Variants in GPAT4 observed in about 807,000 individuals in gnomAD.
GPAT4 encodes glycerol-3-phosphate acyltransferase 4.
In GPAT4, 17 loss-of-function variants were observed where a neutral mutation model predicts 58.0. The observed-to-expected ratio is 0.29, with a 90% CI of 0.20 to 0.44. The LOEUF (loss-of-function observed/expected upper bound fraction) is 0.44, where lower values mean the gene tolerates loss of function less well. Among genes scored for constraint, GPAT4 ranks in the 20% least tolerant of loss-of-function variants. The pLI is 1.00. For synonymous variants in GPAT4, 204 were observed against 210.1 expected (o/e 0.97, Z 0.25); for missense variants, 377 against 574.5 (o/e 0.66, Z 3.51).
Position 41,599,227 on chromosome 8 carries a change from A to T in GPAT4, c.88A>T (p.Ile30Phe), listed in dbSNP as rs762266933. The change falls in exon 2 of 13, where the codon ATC (isoleucine) becomes TTC (phenylalanine). Residue 30 changes from isoleucine to phenylalanine, a missense_variant. Coordinates refer to ENST00000396987, the MANE Select transcript of GPAT4 (RefSeq NM_178819.4). ...CCTCTTCACCCTCCTTCTCGTTTTC[A>T]TCATAGTGCCAGCCATTTTTGGAGT... ...TVLFTLLLVF[I>F]IVPAIFGVSF... The T allele has an allele frequency of 6.2e-7, 1 of 1,614,036 alleles. No individual in the cohort carries two copies. The highest frequency in any genetic ancestry group is 2.2e-5 in the East Asian group (1 of 44,876).
chr8:41,618,630 G>C (rs547078300), intron 10 of GPAT4, 54 bp from the exon 11 acceptor site: 1 of 1,605,016 alleles, frequency 6.2e-7, no homozygotes, highest in African/African-American at 1.3e-5. Flanking sequence ...CTGTGGACTC[G>C]CAAACGTTGT....
In GPAT4 at chr8:41,589,974, GT is replaced by G. The variant is rs1490516754; in HGVS notation, c.-848-8316del. On this transcript the variant is annotated intron_variant, in intron 1 of 12. Transcript: ENST00000396987. ...GTTCCTGAACTACCTCTAGAACACG[GT>G]TAGAAAACTGGCATGTACGAGCGTT... 2.6e-5 allele frequency among the ~76,000 whole-genome samples: 4 copies of G among 152,216 alleles called. No individual in the cohort carries two copies. In the East Asian group the frequency reaches 7.7e-4, roughly 29 times the overall value.
chr8:41,610,702 G>A (rs180697387), intron 4 of GPAT4, 34 bp from the exon 5 acceptor site: 1 of 1,594,770 alleles, frequency 6.3e-7, no homozygotes, highest in Non-Finnish European at 8.5e-7. Flanking sequence ...AGAATGATTT[G>A]CTGGCTGTGC....
Position 41,618,971 on chromosome 8 carries a change from T to A in GPAT4, c.1256T>A (p.Leu419Gln). 1 of 1,614,248 alleles carries A rather than the reference T, an allele frequency of 6.2e-7. No homozygotes were observed. Residue 419 changes from leucine (L) to glutamine (Q), a missense_variant, in exon 12 of 13, where the codon CTG (leucine) becomes CAG (glutamine). Transcript: ENST00000396987. Reference sequence around the variant, plus strand: ...GCCAGGCAGGGAGGACTTGTGGACCTGCTGTGGTAAGTTTAGAGCCAGGCC... The same window carrying A: ...GCCAGGCAGGGAGGACTTGTGGACCAGCTGTGGTAAGTTTAGAGCCAGGCC... ...AIARQGGLVD[L>Q]LWDGGLKREK...
rs2150510498 is a variant in GPAT4 at position 41,622,185 on chromosome 8, A to G, written c.*1184A>G. 1 of 142,902 alleles carries G rather than the reference A, an allele frequency of 7.0e-6. No homozygotes were observed. The highest frequency in any genetic ancestry group is 2.5e-4 in the South Asian group (1 of 3,940). The allele number at this position is 142,902 out of a possible 1,614,324, so 8.9% of individuals were successfully genotyped here. A position where few individuals can be genotyped will look rare whatever the true frequency, so the allele number is the denominator to read the frequency against. The stretch of plus-strand genomic sequence containing the variant: ...GCTGATGTGAGGCCTAGGGGAAGCA[A>G]TGAGTAAACTCCAGGGTGGGGGAGG... On this transcript the variant is annotated 3_prime_UTR_variant, in exon 13 of 13. Coordinates refer to ENST00000396987, the MANE Select transcript of GPAT4 (RefSeq NM_178819.4).
intron 2 of GPAT4, among the ~76,000 whole-genome samples, chr8:41,600,164 G>A (rs1166979489): frequency 2.7e-5 from 4 of 149,076 alleles, no homozygotes; most frequent in East Asian, 2.0e-4. Context: ...TCAGCCTCCT[G>A]AGTAGCTGGG....
chr8:41,619,186 G>A (rs1803681693), intron 12 of GPAT4: 2 of 616,288 alleles, frequency 3.2e-6, no homozygotes, highest in Non-Finnish European at 2.8e-6. Flanking sequence ...GACTGAGGCA[G>A]TTGATTCTGT....
chr8:41,583,477 A>G (rs1376290997), intron 1 of GPAT4, among the ~76,000 whole-genome samples: 1 of 152,198 alleles, frequency 6.6e-6, no homozygotes, highest in East Asian at 1.9e-4. Context: ...TATAAAGTAG[A>G]AACAGGTGAA....
rs571592355 is a variant in GPAT4, at chr8:41,603,088, T to G, written c.165+3784T>G. On this transcript the variant is annotated intron_variant, in intron 2 of 12. Transcript: ENST00000396987. ...ATTCTCTAGCAAGGAGAGACCTTTATTTTACCTTTTTAAGCCTCTTCACCA... is the reference window on the plus strand; with the variant it reads ...ATTCTCTAGCAAGGAGAGACCTTTAGTTTACCTTTTTAAGCCTCTTCACCA... Among the ~76,000 whole-genome samples the G allele has an allele frequency of 7.9e-5, 12 of 152,300 alleles. No individual in the cohort carries two copies. In the South Asian group the frequency reaches 2.5e-3, roughly 32 times the overall value.
At chr8:41,616,340 A>T (rs1479194669) in intron 10 of GPAT4, among the ~76,000 whole-genome samples, 1 of 152,330 alleles carries the variant, frequency 6.6e-6, no homozygotes, top group South Asian at 2.1e-4. Flanking sequence ...TCTGTCACCC[A>T]GGCTGGAGTG....
intron 2 of GPAT4, 133 bp downstream of exon 2, chr8:41,599,437 G>C: frequency 4.7e-6 from 5 of 1,073,022 alleles, no homozygotes; most frequent in East Asian, 5.1e-5. Context: ...GTGGCTTTTT[G>C]AGTAAGAAGA....
In GPAT4 at chr8:41,612,175, C is replaced by A. The variant is rs1010352976; in HGVS notation, c.702-5C>A. 1 of 1,614,188 alleles carries A rather than the reference C, an allele frequency of 6.2e-7. No homozygotes were observed. The highest frequency in any genetic ancestry group is 1.7e-5 in the Admixed American group (1 of 60,026). ...TTGGTTGCTTTGCATACATTTTAAACCCAGGGAAAACAGACCAAGAAATGG... is the reference window on the plus strand; with the variant it reads ...TTGGTTGCTTTGCATACATTTTAAAACCAGGGAAAACAGACCAAGAAATGG... On this transcript the variant is annotated splice_polypyrimidine_tract_variant and splice_region_variant and intron_variant, in intron 6 of 12. Coordinates refer to ENST00000396987, the MANE Select transcript of GPAT4 (RefSeq NM_178819.4).
intron 2 of GPAT4, among the ~76,000 whole-genome samples, chr8:41,604,461 G>C (rs1468766141): frequency 6.6e-6 from 1 of 152,234 alleles, no homozygotes; most frequent in African/African-American, 2.4e-5. Flanking sequence ...TTTGTGTGCA[G>C]AGAGCAGCAT....
chr8:41,600,143 A>G (rs926020653), intron 2 of GPAT4, among the ~76,000 whole-genome samples: 3 of 148,446 alleles, frequency 2.0e-5, no homozygotes, highest in African/African-American at 5.0e-5. Flanking sequence ...GGTTCAAGCA[A>G]TTCACCTGCT....
chr8:41,607,899 A>C (rs750237964), intron 2 of GPAT4, among the ~76,000 whole-genome samples: 4 of 152,128 alleles, frequency 2.6e-5, no homozygotes, highest in Non-Finnish European at 4.4e-5. Context: ...AGAACCCTAA[A>C]TTCTGGTTGA....
Position 41,581,239 on chromosome 8 carries a change from CCT to C in GPAT4, c.-849+2962_-849+2963del, listed in dbSNP as rs544880441. Among the ~76,000 whole-genome samples, 215 of 152,200 alleles carry C rather than the reference CCT, an allele frequency of 1.4e-3. 1 individual carries two copies. The highest frequency in any genetic ancestry group is 2.4e-3 in the Non-Finnish European group (164 of 67,998). ...AGTCTTCCAAGTGCTTAGAGTTTCCCCTGAGTCCTTTAATGTACTTTTTCACC... is the reference window on the plus strand; with the variant it reads ...AGTCTTCCAAGTGCTTAGAGTTTCCCGAGTCCTTTAATGTACTTTTTCACC... On this transcript the variant is annotated intron_variant, in intron 1 of 12. Transcript: ENST00000396987.
chr8:41,580,598 G>A (rs1216552313), intron 1 of GPAT4, among the ~76,000 whole-genome samples: 1 of 152,202 alleles, frequency 6.6e-6, no homozygotes, highest in African/African-American at 2.4e-5. Flanking sequence ...GAACAAGCAA[G>A]TCCTCATGTT....
rs935604920 is a variant in GPAT4, at chr8:41,621,176, G to A, written c.*175G>A. The A allele has an allele frequency of 1.3e-5, 12 of 905,762 alleles. No homozygotes were observed. The highest frequency in any genetic ancestry group is 1.6e-5 in the Non-Finnish European group (10 of 613,008). 56.1% of individuals were successfully genotyped at this position (905,762 alleles called of 1,614,324 possible). On this transcript the variant is annotated 3_prime_UTR_variant, in exon 13 of 13. Coordinates refer to ENST00000396987, the MANE Select transcript of GPAT4 (RefSeq NM_178819.4). ...GCAGCGGGATCCCTGTGCACCCGGC[G>A]CAGCCTACCCTTGGTGGTCTAAACG...
intron 2 of GPAT4, among the ~76,000 whole-genome samples, chr8:41,599,534 T>G (rs1379106860): frequency 3.9e-5 from 6 of 152,234 alleles, no homozygotes; most frequent in African/African-American, 1.2e-4. Flanking sequence ...ACATGTTGCC[T>G]GTTTATTTCA....
Sources: allele counts gnomAD v4.1 joint callset (sites outside exome capture counted in the v4.1 genomes callset), GRCh38; gene constraint gnomAD v4.1.1; transcripts MANE v1.5; gene names NCBI Gene and HGNC (gene_info 2026-07-23, HGNC 2026-07-21).